Variants in CTNNA2 observed in about 807,000 individuals in gnomAD.
CTNNA2 encodes the protein catenin alpha 2, also known as catenin alpha-2.
A neutral mutation model predicts 101.0 loss-of-function variants in CTNNA2; 42 were observed. That is an observed-to-expected ratio of 0.42 (90% confidence interval 0.32 to 0.54). CTNNA2 has a LOEUF of 0.54. Among genes scored for constraint, CTNNA2 ranks in the 20% least tolerant of loss-of-function variants. The pLI is 0.14. For synonymous variants in CTNNA2, 450 were observed against 456.4 expected (o/e 0.99, Z 0.18); for missense variants, 871 against 1,223.1 (o/e 0.71, Z 4.29).
At chr2:80,139,217 C>T (rs543363890) in intron 7 of CTNNA2, among the ~76,000 whole-genome samples, 4 of 152,112 alleles carry the variant, frequency 2.6e-5, no homozygotes, top group Non-Finnish European at 4.4e-5. Flanking sequence ...GCAATTATCT[C>T]CCAGCCAATG....
intron 2 of CTNNA2, among the ~76,000 whole-genome samples, chr2:79,704,933 C>A (rs545007011): frequency 7.1e-6 from 1 of 141,262 alleles, no homozygotes; most frequent in East Asian, 2.1e-4. Context: ...TTCTGATGCT[C>A]GAAAGTATGG....
At chr2:80,212,466 T>C (rs4257420) in intron 7 of CTNNA2, among the ~76,000 whole-genome samples, 61,966 of 151,984 alleles carry the variant, frequency 0.41, 13,808 homozygotes, top group Non-Finnish European at 0.52. Context: ...TCTGCATCTA[T>C]TGAGATAATC....
At chr2:79,772,649 T>A (rs981202117) in intron 3 of CTNNA2, among the ~76,000 whole-genome samples, 1 of 152,142 alleles carries the variant, frequency 6.6e-6, no homozygotes, top group Non-Finnish European at 1.5e-5. Flanking sequence ...CATACCTCAC[T>A]GCAGCCATGA....
intron 7 of CTNNA2, among the ~76,000 whole-genome samples, chr2:80,216,853 T>G (rs1708295833): frequency 6.6e-6 from 1 of 152,026 alleles, no homozygotes; most frequent in Non-Finnish European, 1.5e-5. Context: ...TTTTTTTTTT[T>G]TTGAGATGAA....
intron 3 of CTNNA2, among the ~76,000 whole-genome samples, chr2:79,823,078 T>A (rs1678142659): frequency 6.6e-6 from 1 of 152,220 alleles, no homozygotes; most frequent in African/African-American, 2.4e-5. Context: ...CAACTTTACC[T>A]GGGTCAGATG....
intron 1 of CTNNA2, among the ~76,000 whole-genome samples, chr2:79,535,223 T>C (rs1255650747): frequency 6.6e-6 from 1 of 151,850 alleles, no homozygotes. Context: ...CATATTTTGC[T>C]CTTTTTTTTT....
chr2:80,312,728 A>T lies in CTNNA2; in HGVS notation c.1057-80483A>T, dbSNP rs969993806. ...CTCTGATATTCCTTGACACTTAATT[A>T]TCTTGTTTTATAGAATTTTACAGAT... On this transcript the variant is annotated intron_variant, in intron 7 of 18. Coordinates refer to ENST00000402739, the MANE Select transcript of CTNNA2 (RefSeq NM_001282597.3). 4.6e-5 allele frequency among the ~76,000 whole-genome samples: 7 copies of T among 152,342 alleles called. No individual in the cohort carries two copies. The East Asian group carries it at 1.2e-3, about 25-fold the overall frequency.
intron 6 of CTNNA2, among the ~76,000 whole-genome samples, chr2:79,893,892 T>G (rs1238566723): frequency 6.6e-6 from 1 of 152,198 alleles, no homozygotes; most frequent in East Asian, 1.9e-4. Context: ...AGACATCTGT[T>G]TAGCTGTGTA....
At chr2:80,632,030 T>G (rs1308422910) in intron 18 of CTNNA2, among the ~76,000 whole-genome samples, 1 of 152,094 alleles carries the variant, frequency 6.6e-6, no homozygotes, top group African/African-American at 2.4e-5. Flanking sequence ...ATTATTAAAT[T>G]GATGCATAAG....
chr2:79,659,564 T>C (rs1681868548), intron 2 of CTNNA2, among the ~76,000 whole-genome samples: 1 of 152,238 alleles, frequency 6.6e-6, no homozygotes, highest in Admixed American at 6.5e-5. Flanking sequence ...ATCTAATTCA[T>C]GTATAGTGTG....
intron 12 of CTNNA2, among the ~76,000 whole-genome samples, chr2:80,570,719 T>A (rs1338171776): frequency 6.6e-6 from 1 of 152,184 alleles, no homozygotes; most frequent in East Asian, 1.9e-4. Context: ...CGTTTTTTTC[T>A]TCCTTGAAAG....
At chr2:79,312,623 T>C (rs916339115) in intron 2 of CTNNA2, 1 of 152,218 alleles carries the variant, frequency 6.6e-6, no homozygotes, top group African/African-American at 2.4e-5. Flanking sequence ...GGATAGGGGC[T>C]AAGGTCTATG....
At chr2:80,395,180 G>A (rs559205439) in intron 8 of CTNNA2, among the ~76,000 whole-genome samples, 10 of 152,304 alleles carry the variant, frequency 6.6e-5, no homozygotes, top group Admixed American at 1.3e-4. Flanking sequence ...TAAATGCTTA[G>A]GTGACAAGCT....
chr2:79,495,047 G>C (rs540146924), intron 4 of CTNNA2, among the ~76,000 whole-genome samples: 1 of 152,082 alleles, frequency 6.6e-6, no homozygotes, highest in African/African-American at 2.4e-5. Context: ...AGCTTGCAGT[G>C]AGCCGAGATT....
chr2:79,436,966 G>A (rs1425176288), intron 4 of CTNNA2, among the ~76,000 whole-genome samples: 1 of 151,920 alleles, frequency 6.6e-6, no homozygotes, highest in Non-Finnish European at 1.5e-5. Context: ...GGGTGCAATG[G>A]CTCACACCTG....
At chr2:80,396,576 CT>C (rs997219827) in intron 8 of CTNNA2, among the ~76,000 whole-genome samples, 1 of 152,172 alleles carries the variant, frequency 6.6e-6, no homozygotes, top group African/African-American at 2.4e-5. Context: ...AACTGTACCC[CT>C]ATTCCCTTTT....
chr2:79,620,273 C>T (rs574067566), intron 1 of CTNNA2, among the ~76,000 whole-genome samples: 23 of 152,302 alleles, frequency 1.5e-4, no homozygotes, highest in African/African-American at 5.3e-4. Context: ...CTGTGGGTCC[C>T]ACTTCTGAAG....
intron 7 of CTNNA2, among the ~76,000 whole-genome samples, chr2:80,192,084 A>G (rs527846406): frequency 6.6e-6 from 1 of 152,216 alleles, no homozygotes; most frequent in Admixed American, 6.5e-5. Context: ...TTCATCTTCA[A>G]AAAGAGTTTG....
chr2:80,410,192 C>G (rs773552164), intron 8 of CTNNA2, among the ~76,000 whole-genome samples: 1 of 152,142 alleles, frequency 6.6e-6, no homozygotes, highest in Non-Finnish European at 1.5e-5. Context: ...CTCCTCATAC[C>G]CCACCCAATA....
Sources: gnomAD v4.1 joint callset for allele counts (sites outside exome capture counted in the v4.1 genomes callset) on GRCh38, gnomAD v4.1.1 for gene constraint, MANE v1.5 for transcripts, NCBI Gene and HGNC (gene_info 2026-07-23, HGNC 2026-07-21) for gene names.